Variants in SLC5A10 observed in about 807,000 individuals in gnomAD.
SLC5A10 encodes sodium/mannose cotransporter SLC5A10.
A neutral mutation model predicts 68.9 loss-of-function variants in SLC5A10; 55 were observed. The ratio of observed to expected loss-of-function variants is 0.80; its 90% CI spans 0.64 to 1.00. The LOEUF is 1.00. Ranked by LOEUF, SLC5A10 falls within the 50% of genes least tolerant of loss-of-function variation. SLC5A10 has a pLI of 0.00. For missense variants in SLC5A10, 732 were observed against 819.3 expected, an observed-to-expected ratio of 0.89 and a Z score of 1.30; for synonymous variants, 344 against 344.8, an observed-to-expected ratio of 1.00 and a Z score of 0.02.
intron 5 of SLC5A10, among the ~76,000 whole-genome samples, chr17:18,965,751 G>C (rs907948918): frequency 1.3e-5 from 2 of 152,246 alleles, no homozygotes; most frequent in African/African-American, 4.8e-5. Context: ...GGTGCCAGGA[G>C]AGGAGTGGCT....
chr17:18,992,684 C>A (rs930754659), intron 9 of SLC5A10, among the ~76,000 whole-genome samples: 2 of 152,194 alleles, frequency 1.3e-5, no homozygotes, highest in Non-Finnish European at 2.9e-5. Flanking sequence ...GTGAGCCACA[C>A]CTGCGTTCCA....
chr17:19,009,863 T>C (rs2043977645), intron 9 of SLC5A10, among the ~76,000 whole-genome samples: 1 of 152,008 alleles, frequency 6.6e-6, no homozygotes, highest in African/African-American at 2.4e-5. Flanking sequence ...CCTGAAGGGC[T>C]CAGATGTCCA....
intron 9 of SLC5A10, chr17:18,979,650 C>A: frequency 6.2e-7 from 1 of 1,613,476 alleles, no homozygotes; most frequent in South Asian, 1.1e-5. Context: ...ACTCAGTTCC[C>A]CCGCTGCTCC....
chr17:19,010,806 G>A (rs964202920), intron 9 of SLC5A10, among the ~76,000 whole-genome samples: 12 of 152,152 alleles, frequency 7.9e-5, no homozygotes, highest in Non-Finnish European at 1.3e-4. Flanking sequence ...GTTCTGCCAT[G>A]GGGCCCCCGG....
chr17:19,020,608 G>A lies in SLC5A10; in HGVS notation c.*177G>A, dbSNP rs532254212. 4.7e-5 allele frequency: 28 copies of A among 595,398 alleles called. No homozygotes were observed. The highest frequency in any genetic ancestry group is 6.3e-5 in the Non-Finnish European group (21 of 335,782). 36.9% of individuals were successfully genotyped at this position (595,398 alleles called of 1,614,324 possible). Reference sequence around the variant, plus strand: ...AGCCCTGAAAAATTAGGGGGGAAATGGGAGAAAATAATGTGACATTTCAAA... The same window carrying A: ...AGCCCTGAAAAATTAGGGGGGAAATAGGAGAAAATAATGTGACATTTCAAA... On this transcript the variant is annotated 3_prime_UTR_variant, in exon 15 of 15. Transcript: ENST00000395645.
intron 9 of SLC5A10, chr17:18,978,827 G>C: frequency 6.2e-7 from 1 of 1,612,384 alleles, no homozygotes; most frequent in Non-Finnish European, 8.5e-7. Flanking sequence ...ATTCCGGTCC[G>C]TCCGCGCGGC....
intron 9 of SLC5A10, among the ~76,000 whole-genome samples, chr17:18,985,316 C>T (rs1242268110): frequency 2.6e-5 from 4 of 152,220 alleles, no homozygotes; most frequent in Non-Finnish European, 1.5e-5. Context: ...GATTCAGTGA[C>T]TCTGCCCAAG....
rs777797995 is a variant in SLC5A10 at position 18,971,013 on chromosome 17, C to T, written c.641C>T (p.Ala214Val). 6.2e-7 allele frequency: 1 copy of T among 1,613,806 alleles called. No individual in the cohort carries two copies. Among genetic ancestry groups the T allele is most frequent in the African/African-American group, 1.3e-5 (1 of 74,916 alleles). ...CCCTGTTCCACCCTGACCCCTCCAGCTTTTGACCAGATCGGTGGTTACGGG... is the reference window on the plus strand; with the variant it reads ...CCCTGTTCCACCCTGACCCCTCCAGTTTTTGACCAGATCGGTGGTTACGGG... ...VVGAVILTIK[A>V]FDQIGGYGQL... The change falls in exon 8 of 15, where the codon GCT (alanine) becomes GTT (valine). Residue 214 changes from alanine to valine, a missense_variant and splice_region_variant. By Grantham distance (64) the Ala-to-Val change is moderately conservative. Transcript: ENST00000395645. This position sits in a 1 kb window ranked among gnomAD's most constrained non-coding sequence, Gnocchi z 5.5.
In SLC5A10 at chr17:19,019,815, C is replaced by T. The variant is rs1182955366; in HGVS notation, c.1513C>T (p.Pro505Ser). ...ACCGTGCGGAGAGCCAGACACGCGG[C>T]CAGCCGTCCTGGGGAGCATCCACTA... ...APPCGEPDTR[P>S]AVLGSIHYLH... The change falls in exon 13 of 15, where the codon CCA becomes TCA. Residue 505 changes from proline to serine, a missense_variant. By Grantham distance (74) the Pro-to-Ser change is moderately conservative. Transcript: ENST00000395645. 3 of 1,613,452 alleles carry T rather than the reference C, an allele frequency of 1.9e-6. No homozygotes were observed. Among genetic ancestry groups the T allele is most frequent in the South Asian group, 1.1e-5 (1 of 91,046 alleles).
chr17:18,995,097 C>T (rs945414886), intron 9 of SLC5A10, among the ~76,000 whole-genome samples: 1 of 151,996 alleles, frequency 6.6e-6, no homozygotes, highest in Admixed American at 6.6e-5. Flanking sequence ...AACTAAAATC[C>T]AACATGCCCG....
Position 19,020,554 on chromosome 17 carries a change from C to A in SLC5A10, c.*123C>A. 3 of 901,398 alleles carry A rather than the reference C, an allele frequency of 3.3e-6. No individual in the cohort carries two copies. Among genetic ancestry groups the A allele is most frequent in the Non-Finnish European group, 5.0e-6 (3 of 599,572 alleles). 55.8% of individuals were successfully genotyped at this position (901,398 alleles called of 1,614,324 possible). ...TCACAGCTGCACAGCAGCTCGGTGCCCAAGAACTGGCCAAGCCAGCAAAGC... is the reference window on the plus strand; with the variant it reads ...TCACAGCTGCACAGCAGCTCGGTGCACAAGAACTGGCCAAGCCAGCAAAGC... On this transcript the variant is annotated 3_prime_UTR_variant, in exon 15 of 15. Transcript: ENST00000395645.
At chr17:18,978,525 G>A (rs1026758058) in intron 9 of SLC5A10, 1 of 1,613,360 alleles carries the variant, frequency 6.2e-7, no homozygotes, top group African/African-American at 1.3e-5. Flanking sequence ...TGCTCAGCCA[G>A]CGCTGGGCCT....
At chr17:18,952,357 G>C (rs1158937982) in intron 1 of SLC5A10, 41 bp downstream of exon 1, 5 of 1,585,150 alleles carry the variant, frequency 3.2e-6, no homozygotes, top group Non-Finnish European at 2.6e-6. Context: ...TGGGCTCTCA[G>C]GGTTGGTGCT....
chr17:18,963,511 C>A (rs1277812487), intron 5 of SLC5A10, among the ~76,000 whole-genome samples: 1 of 152,262 alleles, frequency 6.6e-6, no homozygotes, highest in Non-Finnish European at 1.5e-5. Flanking sequence ...GAGGGCGAAG[C>A]TTGAGGAATG....
chr17:18,978,563 T>G lies in SLC5A10; in HGVS notation c.982+1574T>G, dbSNP rs755377653. 5 of 1,613,322 alleles carry G rather than the reference T, an allele frequency of 3.1e-6. No homozygotes were observed. The South Asian group carries it at 4.4e-5, about 14-fold the overall frequency. ...CAGCCCCAGGGGCTTCTTGGCCTCC[T>G]GCTTCTCAGAGGAGATCTTGGCAAT... On this transcript the variant is annotated intron_variant, in intron 9 of 14. Coordinates refer to ENST00000395645, the MANE Select transcript of SLC5A10 (RefSeq NM_001042450.4).
In SLC5A10 at chr17:18,983,146, G is replaced by A. The variant is rs1597859685; in HGVS notation, c.982+6157G>A. 2.0e-5 allele frequency among the ~76,000 whole-genome samples: 3 copies of A among 152,322 alleles called. No homozygotes were observed. In the East Asian group the frequency reaches 5.8e-4, roughly 29 times the overall value. On this transcript the variant is annotated intron_variant, in intron 9 of 14. Transcript: ENST00000395645. ...GTTGGTGGGCTCAGGTAGGGAAAGTGACCTGCCCACTGTCTCCCAGTAGCC... is the reference window on the plus strand; with the variant it reads ...GTTGGTGGGCTCAGGTAGGGAAAGTAACCTGCCCACTGTCTCCCAGTAGCC...
At chr17:19,015,293 G>A in intron 11 of SLC5A10, 94 bp downstream of exon 11, 1 of 871,588 alleles carries the variant, frequency 1.1e-6, no homozygotes, top group South Asian at 1.7e-5. Flanking sequence ...TTGCCACTTA[G>A]AGAAAGGTGG....
At chr17:19,011,518 TG>T (rs1470356102) in intron 9 of SLC5A10, among the ~76,000 whole-genome samples, 6 of 148,828 alleles carry the variant, frequency 4.0e-5, no homozygotes, top group African/African-American at 1.5e-4. Flanking sequence ...GGCTGAGAGG[TG>T]GGGGTAGGGA....
intron 9 of SLC5A10, chr17:18,988,107 G>T: frequency 1.5e-6 from 2 of 1,299,248 alleles, no homozygotes; most frequent in Non-Finnish European, 2.1e-6. Flanking sequence ...GTGACTGCTT[G>T]GCAGGAGGCT....
Sources: allele counts gnomAD v4.1 joint callset (sites outside exome capture counted in the v4.1 genomes callset), GRCh38; gene constraint gnomAD v4.1.1; non-coding constraint Gnocchi (gnomAD v3.1); transcripts MANE v1.5; gene names NCBI Gene and HGNC (gene_info 2026-07-23, HGNC 2026-07-21).